Variants in GNB4 observed in about 807,000 individuals in gnomAD.
GNB4 encodes the protein guanine nucleotide-binding protein subunit beta-4.
GNB4 carries 28 observed loss-of-function variants against 45.2 expected under a neutral mutation model. That is an observed-to-expected ratio of 0.62 (90% confidence interval 0.46 to 0.85). GNB4 has a LOEUF of 0.85. Ranked by LOEUF, GNB4 falls within the 40% of genes least tolerant of loss-of-function variation. The probability of loss-of-function intolerance (pLI) is 0.00; values close to 1 mark genes in which losing one functional copy is unlikely to be tolerated. For missense variants in GNB4, 321 were observed against 425.4 expected (o/e 0.75, Z 2.16); for synonymous variants, 132 against 143.7 (o/e 0.92, Z 0.58).
chr3:179,439,583 C>G (rs1559981066), intron 1 of GNB4, among the ~76,000 whole-genome samples: 1 of 152,208 alleles, frequency 6.6e-6, no homozygotes, highest in East Asian at 1.9e-4. Context: ...GATAGCTTAT[C>G]TTCACAGGCG....
At chr3:179,511,133 C>A in the GNB4 span, among the ~76,000 whole-genome samples, 1 of 152,192 alleles carries the variant, frequency 6.6e-6, no homozygotes, top group Non-Finnish European at 1.5e-5. Context: ...GCCACATCAC[C>A]ATGTTCCACC....
intron 1 of GNB4, among the ~76,000 whole-genome samples, chr3:179,426,618 C>T (rs143638731): frequency 1.3e-5 from 2 of 152,024 alleles, no homozygotes; most frequent in African/African-American, 4.8e-5. Context: ...CCCCACCCCA[C>T]CCCCAAGCCT....
At chr3:179,423,940 C>T (rs1033371952) in intron 2 of GNB4, among the ~76,000 whole-genome samples, 6 of 152,030 alleles carry the variant, frequency 3.9e-5, no homozygotes, top group African/African-American at 1.2e-4. Context: ...AAGAGTAATG[C>T]GTGTTCAGGG....
upstream of GNB4, among the ~76,000 whole-genome samples, chr3:179,455,850 A>C (rs1430523659): frequency 6.6e-6 from 1 of 152,110 alleles, no homozygotes; most frequent in Non-Finnish European, 1.5e-5. Flanking sequence ...CATGGCTGGC[A>C]AGTTGGTGCT....
the GNB4 span, among the ~76,000 whole-genome samples, chr3:179,525,441 A>G: frequency 2.0e-5 from 3 of 152,126 alleles, no homozygotes; most frequent in Admixed American, 2.0e-4. Flanking sequence ...GCAAGCCCAG[A>G]GAAAAGAGAG....
chr3:179,502,745 A>G, the GNB4 span, among the ~76,000 whole-genome samples: 1 of 152,238 alleles, frequency 6.6e-6, no homozygotes, highest in East Asian at 1.9e-4. Flanking sequence ...TCTTCTGATT[A>G]GGTGGTATAT....
At chr3:179,523,355 A>G in the GNB4 span, among the ~76,000 whole-genome samples, 114,164 of 151,510 alleles carry the variant, frequency 0.75, 44,096 homozygotes, top group East Asian at 0.99. Context: ...GTGAAAGCGA[A>G]GAGAGGCTGG....
intron 1 of GNB4, among the ~76,000 whole-genome samples, chr3:179,447,799 G>A (rs1045870921): frequency 6.6e-5 from 10 of 152,200 alleles, no homozygotes; most frequent in African/African-American, 2.4e-4. Context: ...ACTTGCTGTT[G>A]AAGGAATAGA....
chr3:179,470,082 AC>A, the GNB4 span, among the ~76,000 whole-genome samples: 4 of 152,228 alleles, frequency 2.6e-5, no homozygotes, highest in African/African-American at 9.6e-5. Context: ...GTAAACAAAC[AC>A]TGTTGTATAA....
the GNB4 span, among the ~76,000 whole-genome samples, chr3:179,518,044 G>A: frequency 7.2e-5 from 11 of 152,074 alleles, 1 homozygote; most frequent in African/African-American, 2.4e-4. Context: ...TTCTCTTCAT[G>A]TCTCTACTCT....
the GNB4 span, among the ~76,000 whole-genome samples, chr3:179,498,873 C>T: frequency 6.6e-6 from 1 of 151,560 alleles, no homozygotes; most frequent in Non-Finnish European, 1.5e-5. Flanking sequence ...CCCATCAACC[C>T]GTCATCTATA....
the GNB4 span, among the ~76,000 whole-genome samples, chr3:179,522,192 A>C: frequency 6.6e-6 from 1 of 152,158 alleles, no homozygotes; most frequent in African/African-American, 2.4e-5. Flanking sequence ...AAAAGAAGTT[A>C]AAATGGCCTG....
At chr3:179,426,855 C>T (rs780363325) in intron 1 of GNB4, among the ~76,000 whole-genome samples, 1 of 152,126 alleles carries the variant, frequency 6.6e-6, no homozygotes, top group Non-Finnish European at 1.5e-5. Context: ...CTGCTGCCCT[C>T]GACCACTCTC....
the GNB4 span, among the ~76,000 whole-genome samples, chr3:179,501,298 A>ATTT: frequency 1.5e-5 from 2 of 131,216 alleles, no homozygotes; most frequent in Non-Finnish European, 3.2e-5. Flanking sequence ...AATTGCCTAC[A>ATTT]TTTTTTTTTT....
At chr3:179,492,632 A>G in the GNB4 span, among the ~76,000 whole-genome samples, 1 of 152,166 alleles carries the variant, frequency 6.6e-6, no homozygotes, top group Non-Finnish European at 1.5e-5. Flanking sequence ...CCATCACTGT[A>G]GCAAGCATGT....
At chr3:179,479,360 T>G in the GNB4 span, among the ~76,000 whole-genome samples, 1 of 152,196 alleles carries the variant, frequency 6.6e-6, no homozygotes, top group Non-Finnish European at 1.5e-5. Context: ...TGACCAAACT[T>G]TCTGTCTGCC....
intron 8 of GNB4, among the ~76,000 whole-genome samples, chr3:179,409,195 A>G (rs1265390452): frequency 6.6e-6 from 1 of 151,782 alleles, no homozygotes; most frequent in Non-Finnish European, 1.5e-5. Context: ...CAAATCAATG[A>G]CATCAGCTTC....
the GNB4 span, among the ~76,000 whole-genome samples, chr3:179,518,724 A>G: frequency 6.6e-6 from 1 of 152,076 alleles, no homozygotes; most frequent in Non-Finnish European, 1.5e-5. Context: ...TTCATCCCAA[A>G]TCAGATAGCA....
In GNB4 at chr3:179,405,238, C is replaced by T. The variant is rs1404957064; in HGVS notation, c.868G>A (p.Asp290Asn). The T allele has an allele frequency of 6.2e-7, 1 of 1,614,014 alleles. No individual in the cohort carries two copies. Among genetic ancestry groups the T allele is most frequent in the African/African-American group, 1.3e-5 (1 of 74,916 alleles). ...KSGRLLLAGY[D>N]DFNCNVWDTL... Reference sequence around the variant, plus strand: ...TCCCATACATTACAATTAAAGTCATCGTAACCAGCCAACAAGAGACGCCCA... The same window carrying T: ...TCCCATACATTACAATTAAAGTCATTGTAACCAGCCAACAAGAGACGCCCA... Residue 290 changes from aspartate (D) to asparagine (N), a missense_variant, in exon 9 of 10, where the codon GAT becomes AAT. Asp to Asn is a conservative substitution (Grantham distance 23). Transcript: ENST00000232564.
Sources: gnomAD v4.1 joint callset for allele counts (sites outside exome capture counted in the v4.1 genomes callset) on GRCh38, gnomAD v4.1.1 for gene constraint, MANE v1.5 for transcripts, NCBI Gene and HGNC (gene_info 2026-07-23, HGNC 2026-07-21) for gene names.